PSMD2: variants seen among roughly 807,000 people sequenced by gnomAD.
PSMD2 encodes the protein 26S proteasome non-ATPase regulatory subunit 2.
In PSMD2, 8 loss-of-function variants were observed where a neutral mutation model predicts 101.5. The ratio of observed to expected loss-of-function variants is 0.08; its 90% CI spans 0.05 to 0.14. The LOEUF (loss-of-function observed/expected upper bound fraction) is 0.14. PSMD2 is among the 10% of genes least tolerant of loss of function. The probability of loss-of-function intolerance (pLI) is 1.00; values close to 1 mark genes in which losing one functional copy is unlikely to be tolerated. For synonymous variants in PSMD2, 418 were observed against 433.8 expected, an observed-to-expected ratio of 0.96 and a Z score of 0.45; for missense variants, 784 against 1,147.4, an observed-to-expected ratio of 0.68 and a Z score of 4.58.
At position 184,302,867 on chromosome 3, in the gene PSMD2, TACCTGCCATTTC is replaced by T. The variant is rs1305775828; in HGVS notation, c.1008+49_1008+60del. 6 of 1,613,044 alleles carry T rather than the reference TACCTGCCATTTC, an allele frequency of 3.7e-6. No individual in the cohort carries two copies. The African/African-American group carries it at 8.0e-5, about 22-fold the overall frequency. ...CATCAAGGCCTTTTCGTCATAATTCTACCTGCCATTTCACCTCCCTGACTCTACCTCTGACTA... is the reference window on the plus strand; with the variant it reads ...CATCAAGGCCTTTTCGTCATAATTCTACCTCCCTGACTCTACCTCTGACTA... On this transcript the variant is annotated intron_variant, in intron 7 of 20. Transcript: ENST00000310118.
rs1268757888 is a variant in PSMD2 at position 184,299,772 on chromosome 3, T to A, written c.136-79T>A. On this transcript the variant is annotated intron_variant, in intron 1 of 20. Coordinates refer to ENST00000310118, the MANE Select transcript of PSMD2 (RefSeq NM_002808.5). The stretch of plus-strand genomic sequence containing the variant: ...CCCTCCTAAGGAGGCAGGCTTATTC[T>A]TCACCTGCCCCGGGTAAGTGGGAGG... 1.4e-5 allele frequency: 17 copies of A among 1,251,324 alleles called. No homozygotes were observed. The Admixed American group carries it at 2.9e-4, about 21-fold the overall frequency. 77.5% of individuals were successfully genotyped at this position (1,251,324 alleles called of 1,614,324 possible).
chr3:184,299,299 G>T lies in PSMD2; in HGVS notation c.33G>T (p.Val11=). The T allele has an allele frequency of 7.2e-7, 1 of 1,383,888 alleles. No homozygotes were observed. Among genetic ancestry groups the T allele is most frequent in the East Asian group, 3.1e-5 (1 of 32,756 alleles). 85.7% of individuals were successfully genotyped at this position (1,383,888 alleles called of 1,614,324 possible). A position where few individuals can be genotyped will look rare whatever the true frequency, so the allele number is the denominator to read the frequency against. MEEGGRDKAP[V]QPQQSPAAAP... ...AGGGAGGCCGGGACAAGGCGCCGGT[G>T]CAGCCCCAGCAGTCTCCAGCGGCGG... is the stretch of plus-strand genomic sequence containing the variant. The change falls in exon 1 of 21, where the codon GTG becomes GTT. Residue 11 remains valine (V), a synonymous_variant. Coordinates refer to ENST00000310118, the MANE Select transcript of PSMD2 (RefSeq NM_002808.5).
chr3:184,299,521 A>G, intron 1 of PSMD2, 120 bp downstream of exon 1: 1 of 1,245,638 alleles, frequency 8.0e-7, no homozygotes, highest in South Asian at 2.2e-5. Flanking sequence ...GGTTGGGGCG[A>G]CCCTCGGGAC....
At chr3:184,301,431 G>A (rs1721639277) in intron 3 of PSMD2, 106 bp from the exon 4 acceptor site, 6 of 1,378,014 alleles carry the variant, frequency 4.4e-6, no homozygotes, top group South Asian at 1.2e-5. Flanking sequence ...ACAGAGATTG[G>A]TATGTAGTTA....
rs1448763536 is a variant in PSMD2 at position 184,301,913 on chromosome 3, G to A, written c.546G>A (p.Glu182=). ...ELDDAEKVQR[E]PLLTLVKEIV... is the part of the protein sequence containing the mutation. ...ATGACGCAGAGAAGGTCCAGCGGGA[G>A]CCTCTGCTCACTCTGGTGAAGGAAA... Residue 182 remains glutamate (E), a synonymous_variant, in exon 5 of 21, where the codon GAG becomes GAA. Transcript: ENST00000310118. The A allele has an allele frequency of 1.2e-6, 2 of 1,614,232 alleles. No homozygotes were observed. Among genetic ancestry groups the A allele is most frequent in the Non-Finnish European group, 1.7e-6 (2 of 1,180,042 alleles).
chr3:184,304,387 T>C lies in PSMD2; in HGVS notation c.1535T>C (p.Met512Thr), dbSNP rs775942974. ...GTGATGGGAGATTCAAAGTCCAGCATGGAGGTGAGTAGAGGCTATTGAGCA... is the reference window on the plus strand; with the variant it reads ...GTGATGGGAGATTCAAAGTCCAGCACGGAGGTGAGTAGAGGCTATTGAGCA... ...LPVMGDSKSSMEVAGVTALAC... is the reference protein window; with the variant it reads ...LPVMGDSKSSTEVAGVTALAC... The change falls in exon 12 of 21, where the codon ATG becomes ACG. Residue 512 changes from methionine to threonine, a missense_variant. By Grantham distance (81) the Met-to-Thr change is moderately conservative. This residue lies in a region of PSMD2 where 282 missense variants were observed against 437.6 expected (regional missense o/e 0.64). Transcript: ENST00000310118. This position sits in a 1 kb window ranked among gnomAD's most constrained non-coding sequence, Gnocchi z 4.1. 2 of 1,613,774 alleles carry C rather than the reference T, an allele frequency of 1.2e-6. No homozygotes were observed. The highest frequency in any genetic ancestry group is 1.3e-5 in the African/African-American group (1 of 74,904).
At position 184,299,386 on chromosome 3, in the gene PSMD2, C is replaced by A; in HGVS notation, c.120C>A (p.Asp40Glu). 7.2e-7 allele frequency: 1 copy of A among 1,397,534 alleles called. No homozygotes were observed. Among genetic ancestry groups the A allele is most frequent in the East Asian group, 3.0e-5 (1 of 33,328 alleles). The allele number at this position is 1,397,534 out of a possible 1,614,324, so 86.6% of individuals were successfully genotyped here. A position where few individuals can be genotyped will look rare whatever the true frequency, so the allele number is the denominator to read the frequency against. Reference sequence around the variant, plus strand: ...AGCGGCGGGATGCCGGGGACAAGGACAAAGAACAGGAGCTGGTGAGGCGCG... The same window carrying A: ...AGCGGCGGGATGCCGGGGACAAGGAAAAAGAACAGGAGCTGGTGAGGCGCG... ...GKERRDAGDK[D>E]KEQELSEEDK... Residue 40 changes from aspartate (D) to glutamate (E), a missense_variant, in exon 1 of 21, where the codon GAC (aspartate) becomes GAA (glutamate). Asp to Glu is a conservative substitution (Grantham distance 45). This residue lies in a region of PSMD2 where 196 missense variants were observed against 182.4 expected (regional missense o/e 1.07). Coordinates refer to ENST00000310118, the MANE Select transcript of PSMD2 (RefSeq NM_002808.5).
At position 184,304,146 on chromosome 3, in the gene PSMD2, T is replaced by C. The variant is rs78606408; in HGVS notation, c.1451+72T>C. The C allele has an allele frequency of 3.8e-6, 6 of 1,594,022 alleles. No homozygotes were observed. In the African/African-American group the frequency reaches 6.7e-5, roughly 18 times the overall value. Reference sequence around the variant, plus strand: ...CTGGAGAACAGGAACTGGGCCCTTTTCACCCATATTGCCAAGGGCTACCAC... The same window carrying C: ...CTGGAGAACAGGAACTGGGCCCTTTCCACCCATATTGCCAAGGGCTACCAC... On this transcript the variant is annotated intron_variant, in intron 11 of 20. Transcript: ENST00000310118. The surrounding 1 kb of genome is among the most constrained non-coding windows in gnomAD (Gnocchi z 4.1).
intron 15 of PSMD2, 42 bp downstream of exon 15, chr3:184,306,537 G>A (rs1429504520): frequency 6.3e-7 from 1 of 1,598,860 alleles, no homozygotes; most frequent in African/African-American, 1.3e-5. Context: ...GCTGTGAGAA[G>A]AGATAAGCAT....
At chr3:184,306,205 T>G (rs1326436814) in intron 14 of PSMD2, 50 bp downstream of exon 14, 1 of 1,602,314 alleles carries the variant, frequency 6.2e-7, no homozygotes, top group Non-Finnish European at 8.6e-7. Flanking sequence ...ACTCCTCACT[T>G]CTTTCTTGGT....
At chr3:184,299,798 A>T in intron 1 of PSMD2, 53 bp from the exon 2 acceptor site, 1 of 1,454,802 alleles carries the variant, frequency 6.9e-7, no homozygotes, top group South Asian at 1.1e-5. Context: ...AAGTGGGAGG[A>T]GGACGTCTTT....
chr3:184,300,776 C>G, intron 3 of PSMD2: 2 of 558,178 alleles, frequency 3.6e-6, no homozygotes, highest in Non-Finnish European at 4.8e-6. Context: ...ACTTCTCTGC[C>G]TGCTGGTACA....
At chr3:184,301,222 G>A (rs1212558338) in intron 3 of PSMD2, among the ~76,000 whole-genome samples, 1 of 151,226 alleles carries the variant, frequency 6.6e-6, no homozygotes, top group Non-Finnish European at 1.5e-5. Flanking sequence ...TGTAATCCCA[G>A]CTACTTAGGA....
intron 16 of PSMD2, among the ~76,000 whole-genome samples, chr3:184,307,087 G>A (rs1353033867): frequency 6.6e-6 from 1 of 152,138 alleles, no homozygotes; most frequent in Non-Finnish European, 1.5e-5. Flanking sequence ...TGGGACTACA[G>A]GCACATGCCA....
chr3:184,307,402 C>T lies in PSMD2; in HGVS notation c.2080C>T (p.Leu694=), dbSNP rs1300721006. 6.2e-7 allele frequency: 1 copy of T among 1,614,152 alleles called. No individual in the cohort carries two copies. The highest frequency in any genetic ancestry group is 1.7e-5 in the Admixed American group (1 of 60,018). ...PTLRRAVPLA[L]ALISVSNPRL... ...ACTCCGGAGGGCTGTACCTTTAGCACTGGCCCTCATCTCTGTTTCAAATCC... is the reference window on the plus strand; with the variant it reads ...ACTCCGGAGGGCTGTACCTTTAGCATTGGCCCTCATCTCTGTTTCAAATCC... Residue 694 remains leucine, a synonymous_variant, in exon 17 of 21, where the codon CTG becomes TTG. Coordinates refer to ENST00000310118, the MANE Select transcript of PSMD2 (RefSeq NM_002808.5).
chr3:184,299,427 GA>G (rs1292297825), intron 1 of PSMD2, 26 bp downstream of exon 1: 1 of 1,333,590 alleles, frequency 7.5e-7, no homozygotes, highest in Non-Finnish European at 9.6e-7. Context: ...GAGAGTCGGC[GA>G]AGGAGGCTGC....
chr3:184,300,707 CTCTTT>C (rs776331780), intron 3 of PSMD2: 219 of 1,143,848 alleles, frequency 1.9e-4, no homozygotes, highest in Non-Finnish European at 2.3e-4. Context: ...CTTGATTTTT[CTCTTT>C]TCTTCTATCC....
intron 14 of PSMD2, 70 bp downstream of exon 14, chr3:184,306,225 C>T (rs975064459): frequency 6.3e-7 from 1 of 1,597,086 alleles, no homozygotes; most frequent in East Asian, 2.2e-5. Context: ...TCCTTATTTT[C>T]AGGTTGTTTC....
In PSMD2 at chr3:184,301,970, G is replaced by A. The variant is rs922470098; in HGVS notation, c.603G>A (p.Glu201=). Residue 201 remains glutamate, a synonymous_variant, in exon 5 of 21, where the codon GAG becomes GAA. Transcript: ENST00000310118. ...CCTATAACATGGCCCACAATGCAGA[G>A]CATGAGGCTTGCGACCTGCTTATGG... is the stretch of plus-strand genomic sequence containing the variant. ...IVPYNMAHNA[E]HEACDLLMEI... is the part of the protein sequence containing the mutation. The A allele has an allele frequency of 1.9e-6, 3 of 1,614,090 alleles. No homozygotes were observed. The highest frequency in any genetic ancestry group is 2.7e-5 in the African/African-American group (2 of 74,936).
Sources: allele counts gnomAD v4.1 joint callset (sites outside exome capture counted in the v4.1 genomes callset), GRCh38; gene constraint gnomAD v4.1.1; regional missense constraint gnomAD v4.1.1; non-coding constraint Gnocchi (gnomAD v3.1); transcripts MANE v1.5; gene names NCBI Gene and HGNC (gene_info 2026-07-23, HGNC 2026-07-21).